Variants in KANK4 observed in about 807,000 individuals in gnomAD.
KANK4 encodes the protein KN motif and ankyrin repeat domain-containing protein 4.
Under a neutral mutation model 80.8 loss-of-function variants are expected in KANK4, and 50 were observed. The observed-to-expected ratio is 0.62, with a 90% CI of 0.49 to 0.78. The LOEUF is 0.78. Among genes scored for constraint, KANK4 ranks in the 30% least tolerant of loss-of-function variants. The probability of loss-of-function intolerance (pLI) is 0.00; values close to 1 mark genes in which losing one functional copy is unlikely to be tolerated. For missense variants in KANK4, 1,196 were observed against 1,240.1 expected (o/e 0.96, Z 0.53); for synonymous variants, 465 against 506.9 (o/e 0.92, Z 1.11).
intron 1 of KANK4, among the ~76,000 whole-genome samples, chr1:62,313,893 T>G (rs1255408954): frequency 1.3e-5 from 2 of 152,074 alleles, no homozygotes; most frequent in Non-Finnish European, 2.9e-5. Flanking sequence ...AATTTAAACA[T>G]TGATAAAATG....
In KANK4 at chr1:62,273,515, GTCTT is replaced by G; in HGVS notation, c.1585_1588del (p.Lys529LeufsTer35). The stretch of plus-strand genomic sequence containing the variant: ...GGTCTCCTCCCTCCCTGCTGGGGGA[GTCTT>G]TCTGTCGCTGCCCCACAGAAAGCCT... On this transcript the variant is annotated frameshift_variant, in exon 3 of 10. Transcript: ENST00000371153. LOFTEE classifies it high-confidence loss of function. 2 of 1,613,698 alleles carry G rather than the reference GTCTT, an allele frequency of 1.2e-6. No homozygotes were observed. Among genetic ancestry groups the G allele is most frequent in the Non-Finnish European group, 1.7e-6 (2 of 1,179,682 alleles).
At chr1:62,298,494 G>T (rs1453343632) in intron 1 of KANK4, among the ~76,000 whole-genome samples, 1 of 152,206 alleles carries the variant, frequency 6.6e-6, no homozygotes, top group Non-Finnish European at 1.5e-5. Context: ...ATGCTGATCT[G>T]CTGGTCCCAG....
chr1:62,290,137 A>C (rs966633494), intron 1 of KANK4, among the ~76,000 whole-genome samples: 3 of 152,234 alleles, frequency 2.0e-5, no homozygotes, highest in African/African-American at 7.2e-5. Context: ...TTCAATTATA[A>C]ATCCAATTTT....
chr1:62,262,325 C>T (rs778129031), intron 7 of KANK4, among the ~76,000 whole-genome samples: 1 of 152,178 alleles, frequency 6.6e-6, no homozygotes, highest in Admixed American at 6.5e-5. Context: ...CACAGGAATG[C>T]TGTGAAGAAC....
intron 8 of KANK4, among the ~76,000 whole-genome samples, chr1:62,252,183 C>T (rs1223992060): frequency 1.3e-5 from 2 of 152,058 alleles, no homozygotes; most frequent in South Asian, 2.1e-4. Context: ...AAGGGGTAGA[C>T]CTAGGTGACA....
chr1:62,250,290 C>T (rs962270128), intron 8 of KANK4, among the ~76,000 whole-genome samples: 10 of 152,204 alleles, frequency 6.6e-5, no homozygotes, highest in Non-Finnish European at 1.3e-4. Flanking sequence ...GCCCAGCCCC[C>T]AGCTGTTATT....
Position 62,271,383 on chromosome 1 carries a change from A to T in KANK4, c.2012+95T>A, listed in dbSNP as rs568084128. 8.2e-6 allele frequency: 7 copies of T among 852,324 alleles called. No individual in the cohort carries two copies. The South Asian group carries it at 9.7e-5, about 12-fold the overall frequency. The allele number at this position is 852,324 out of a possible 1,614,324, so 52.8% of individuals were successfully genotyped here. A position where few individuals can be genotyped will look rare whatever the true frequency, so the allele number is the denominator to read the frequency against. ...AATTAATTCCCTTGAAGAGGAATGAAAACCAGATGCCTCCCCCTAGGAAAA... is the reference window on the plus strand; with the variant it reads ...AATTAATTCCCTTGAAGAGGAATGATAACCAGATGCCTCCCCCTAGGAAAA... On this transcript the variant is annotated intron_variant, in intron 4 of 9. Transcript: ENST00000371153.
intron 1 of KANK4, among the ~76,000 whole-genome samples, chr1:62,290,846 G>A (rs1176806232): frequency 1.3e-5 from 2 of 151,684 alleles, no homozygotes; most frequent in African/African-American, 4.8e-5. Flanking sequence ...CTGGGTCCAC[G>A]CCATTCTCCT....
intron 1 of KANK4, among the ~76,000 whole-genome samples, chr1:62,314,523 G>C (rs1322255944): frequency 1.3e-5 from 2 of 152,032 alleles, no homozygotes; most frequent in East Asian, 3.9e-4. Context: ...ATGTGGAGGG[G>C]AATCGGCACC....
intron 1 of KANK4, among the ~76,000 whole-genome samples, chr1:62,310,709 G>T (rs1455231375): frequency 1.3e-5 from 2 of 152,076 alleles, no homozygotes; most frequent in Non-Finnish European, 2.9e-5. Context: ...TGCTCATGTT[G>T]GAGAGAAATC....
At chr1:62,290,993 G>A (rs1431113127) in intron 1 of KANK4, among the ~76,000 whole-genome samples, 1 of 151,810 alleles carries the variant, frequency 6.6e-6, no homozygotes, top group African/African-American at 2.4e-5. Flanking sequence ...TTCATGATCC[G>A]CCTGCCTCGG....
intron 1 of KANK4, among the ~76,000 whole-genome samples, chr1:62,287,097 G>T (rs1672586516): frequency 6.6e-6 from 1 of 152,130 alleles, no homozygotes. Flanking sequence ...CAAGGTTTCA[G>T]AGTGTCCCGG....
At chr1:62,287,448 G>T (rs1183609679) in intron 1 of KANK4, among the ~76,000 whole-genome samples, 1 of 152,184 alleles carries the variant, frequency 6.6e-6, no homozygotes, top group Non-Finnish European at 1.5e-5. Context: ...ACCAGAGCAG[G>T]TTCCTGTCTA....
chr1:62,306,900 CAAACACACAG>C lies in KANK4; in HGVS notation c.-71+12196_-71+12205del, dbSNP rs563319371. ...TTAGTTTCTGTAGCAATTAAACACACAAACACACAGAAACATTTCACTCTGTCCTTCTTTT... is the reference window on the plus strand; with the variant it reads ...TTAGTTTCTGTAGCAATTAAACACACAAACATTTCACTCTGTCCTTCTTTT... On this transcript the variant is annotated intron_variant, in intron 1 of 9. Coordinates refer to ENST00000371153, the MANE Select transcript of KANK4 (RefSeq NM_181712.5). Among the ~76,000 whole-genome samples, 31 of 152,270 alleles carry C rather than the reference CAAACACACAG, an allele frequency of 2.0e-4. No individual in the cohort carries two copies. The East Asian group carries it at 5.8e-3, about 28-fold the overall frequency.
At chr1:62,255,232 A>G (rs1454128660) in intron 7 of KANK4, among the ~76,000 whole-genome samples, 1 of 152,096 alleles carries the variant, frequency 6.6e-6, no homozygotes, top group Non-Finnish European at 1.5e-5. Flanking sequence ...AACTTTAAAG[A>G]AAGTTCTGCT....
chr1:62,312,529 T>C (rs2149174212), intron 1 of KANK4, among the ~76,000 whole-genome samples: 1 of 152,326 alleles, frequency 6.6e-6, no homozygotes, highest in Middle Eastern at 3.4e-3. Flanking sequence ...CATTTCTGAG[T>C]TCCAGCTCAC....
chr1:62,302,344 TC>T (rs1644418919), intron 1 of KANK4, among the ~76,000 whole-genome samples: 1 of 151,644 alleles, frequency 6.6e-6, no homozygotes, highest in African/African-American at 2.4e-5. Flanking sequence ...GGCATAGGAG[TC>T]GACATTTACT....
chr1:62,270,012 G>T (rs1672122353), intron 4 of KANK4, among the ~76,000 whole-genome samples: 1 of 152,194 alleles, frequency 6.6e-6, no homozygotes, highest in Non-Finnish European at 1.5e-5. Context: ...CCAAGGCTGA[G>T]AATCACTGTA....
chr1:62,307,505 A>G (rs1039038355), intron 1 of KANK4, among the ~76,000 whole-genome samples: 1 of 144,610 alleles, frequency 6.9e-6, no homozygotes, highest in Non-Finnish European at 1.5e-5. Context: ...AAAATTCCTG[A>G]GGAGTAGTTA....
Sources: gnomAD v4.1 joint callset for allele counts (sites outside exome capture counted in the v4.1 genomes callset) on GRCh38, gnomAD v4.1.1 for gene constraint, MANE v1.5 for transcripts, NCBI Gene and HGNC (gene_info 2026-07-23, HGNC 2026-07-21) for gene names.